SNX29: variants seen among roughly 807,000 people sequenced by gnomAD.
The protein encoded by SNX29 is sorting nexin 29.
Under a neutral mutation model 102.1 loss-of-function variants are expected in SNX29, and 78 were observed. The ratio of observed to expected loss-of-function variants is 0.76; its 90% CI spans 0.64 to 0.92. SNX29 has a LOEUF of 0.92. SNX29 is among the 40% of genes least tolerant of loss of function. The pLI is 0.00. For synonymous variants in SNX29, 580 were observed against 414.5 expected (o/e 1.40, Z -4.85); for missense variants, 1,280 against 1,061.7 (o/e 1.21, Z -2.86).
intron 20 of SNX29, among the ~76,000 whole-genome samples, chr16:12,532,830 C>T (rs569300930): frequency 7.2e-5 from 11 of 152,270 alleles, no homozygotes; most frequent in Admixed American, 2.6e-4. Context: ...GTCAGCCTAG[C>T]GAGGGGAGCC....
intron 15 of SNX29, among the ~76,000 whole-genome samples, chr16:12,303,802 CTGA>C (rs1489466512): frequency 6.6e-6 from 1 of 152,178 alleles, no homozygotes; most frequent in Non-Finnish European, 1.5e-5. Flanking sequence ...AAGCATTGGG[CTGA>C]TGATTTCCAC....
intron 13 of SNX29, among the ~76,000 whole-genome samples, chr16:12,197,799 G>C (rs1405468837): frequency 6.6e-6 from 1 of 152,032 alleles, no homozygotes; most frequent in African/African-American, 2.4e-5. Flanking sequence ...CTTTGGAGAT[G>C]AACGTCGAGT....
chr16:12,381,181 CACCATCCACCCACCGACCCACCT>C (rs1200791812), intron 16 of SNX29, among the ~76,000 whole-genome samples: 1 of 31,470 alleles, frequency 3.2e-5, no homozygotes, highest in Non-Finnish European at 5.1e-5. Context: ...TCCACCCACC[CACCATCCACCCACCGACCCACCT>C]ACCATCCACC....
intron 13 of SNX29, among the ~76,000 whole-genome samples, chr16:12,146,278 T>A (rs1479820213): frequency 3.3e-5 from 5 of 151,638 alleles, no homozygotes; most frequent in African/African-American, 9.7e-5. Context: ...TTTTTTTTTC[T>A]TTTTGAAGGC....
intron 14 of SNX29, among the ~76,000 whole-genome samples, chr16:12,269,968 C>T (rs951260477): frequency 1.3e-5 from 2 of 152,084 alleles, no homozygotes; most frequent in African/African-American, 4.8e-5. Flanking sequence ...TCAAGCGATT[C>T]TCCTGCCTCA....
In SNX29 at chr16:12,240,679, C is replaced by G. The variant is rs534283518; in HGVS notation, c.1679-37254C>G. Among the ~76,000 whole-genome samples the G allele has an allele frequency of 2.2e-4, 31 of 141,130 alleles. No individual in the cohort carries two copies. In the South Asian group the frequency reaches 6.8e-3, roughly 31 times the overall value. The allele number at this position is 141,130 out of a possible 152,430, so 92.6% of individuals were successfully genotyped here. On this transcript the variant is annotated intron_variant, in intron 14 of 20. Coordinates refer to ENST00000566228, the MANE Select transcript of SNX29 (RefSeq NM_032167.5). Reference sequence around the variant, plus strand: ...CGGCATGATCTCAGCTTACTGCAACCTCTGCCTCCTCCCAGGTTCAGGTGA... The same window carrying G: ...CGGCATGATCTCAGCTTACTGCAACGTCTGCCTCCTCCCAGGTTCAGGTGA...
chr16:12,508,669 G>T (rs2089480523), intron 19 of SNX29, among the ~76,000 whole-genome samples: 1 of 152,214 alleles, frequency 6.6e-6, no homozygotes, highest in South Asian at 2.1e-4. Flanking sequence ...GGTGCCCTCT[G>T]TTAAGCCTGT....
intron 14 of SNX29, among the ~76,000 whole-genome samples, chr16:12,274,540 CT>C (rs111226323): frequency 0.035 from 4,990 of 143,692 alleles, 108 homozygotes; most frequent in Admixed American, 0.066. Context: ...CTCCCCACCT[CT>C]TTTTTTTTTT....
chr16:12,169,227 A>T (rs1567273022), intron 13 of SNX29, among the ~76,000 whole-genome samples: 1 of 152,242 alleles, frequency 6.6e-6, no homozygotes, highest in Non-Finnish European at 1.5e-5. Context: ...GAGAAGCCTG[A>T]CAAAGCTTCA....
chr16:12,425,613 C>G (rs2085042337), intron 18 of SNX29, among the ~76,000 whole-genome samples: 1 of 147,408 alleles, frequency 6.8e-6, no homozygotes, highest in Non-Finnish European at 1.5e-5. Flanking sequence ...CAGATAGAGA[C>G]AAGGGGAAAA....
intron 20 of SNX29, among the ~76,000 whole-genome samples, chr16:12,548,361 C>A (rs1053776614): frequency 6.6e-6 from 1 of 152,202 alleles, no homozygotes; most frequent in Non-Finnish European, 1.5e-5. Flanking sequence ...CACTCTGCAC[C>A]CACATGGAAG....
At chr16:12,035,782 G>A (rs1442811781) in intron 4 of SNX29, among the ~76,000 whole-genome samples, 1 of 152,118 alleles carries the variant, frequency 6.6e-6, no homozygotes, top group Non-Finnish European at 1.5e-5. Flanking sequence ...CTTTATCTCG[G>A]TGAGGGATTA....
chr16:12,485,589 C>G (rs2088189546), intron 19 of SNX29, among the ~76,000 whole-genome samples: 1 of 152,200 alleles, frequency 6.6e-6, no homozygotes, highest in Admixed American at 6.5e-5. Context: ...ATTGGAAACA[C>G]AGCCCTCGAG....
intron 11 of SNX29, among the ~76,000 whole-genome samples, chr16:12,094,495 C>G (rs1271165323): frequency 1.3e-5 from 2 of 152,232 alleles, no homozygotes; most frequent in Admixed American, 1.3e-4. Flanking sequence ...TAGCTGGTAT[C>G]TACCCCTCAA....
At chr16:12,289,628 C>T (rs556412866) in intron 15 of SNX29, among the ~76,000 whole-genome samples, 1 of 152,122 alleles carries the variant, frequency 6.6e-6, no homozygotes. Flanking sequence ...GGAGTACTTG[C>T]GAACGAACAG....
chr16:12,279,775 G>T (rs139644322), intron 15 of SNX29, among the ~76,000 whole-genome samples: 1 of 152,330 alleles, frequency 6.6e-6, no homozygotes, highest in East Asian at 1.9e-4. Flanking sequence ...AGTTCTCCTG[G>T]GATGGGGATG....
chr16:12,460,943 ATG>A (rs2086753884), intron 18 of SNX29, among the ~76,000 whole-genome samples: 1 of 152,220 alleles, frequency 6.6e-6, no homozygotes, highest in Non-Finnish European at 1.5e-5. Flanking sequence ...ACCCAGCCAA[ATG>A]TGTGAACTTC....
chr16:12,338,408 G>C (rs1466004140), intron 15 of SNX29, among the ~76,000 whole-genome samples: 1 of 152,160 alleles, frequency 6.6e-6, no homozygotes, highest in Non-Finnish European at 1.5e-5. Context: ...TTCCTTGGCT[G>C]CCTTCCCCCC....
intron 11 of SNX29, among the ~76,000 whole-genome samples, chr16:12,101,090 A>C (rs2052990216): frequency 1.3e-5 from 2 of 152,102 alleles, no homozygotes; most frequent in South Asian, 4.2e-4. Context: ...ACTTCATTGG[A>C]GGGACACTCT....
Sources: gnomAD v4.1 joint callset for allele counts (sites outside exome capture counted in the v4.1 genomes callset) on GRCh38, gnomAD v4.1.1 for gene constraint, MANE v1.5 for transcripts, NCBI Gene and HGNC (gene_info 2026-07-23, HGNC 2026-07-21) for gene names.